Variants in PHACTR1 observed in about 807,000 individuals in gnomAD.
PHACTR1 encodes the protein phosphatase and actin regulator 1, also known as RPEL repeat containing 1.
In PHACTR1, 16 loss-of-function variants were observed where a neutral mutation model predicts 69.2. The ratio of observed to expected loss-of-function variants is 0.23; its 90% CI spans 0.16 to 0.35. The LOEUF (loss-of-function observed/expected upper bound fraction) is 0.35, where lower values mean the gene tolerates loss of function less well. Among genes scored for constraint, PHACTR1 ranks in the 10% least tolerant of loss-of-function variants. PHACTR1 has a pLI of 1.00. For missense variants in PHACTR1, 510 were observed against 734.7 expected (o/e 0.69, Z 3.54); for synonymous variants, 312 against 284.5 (o/e 1.10, Z -0.97).
chr6:13,158,541 A>G (rs1047817272), intron 5 of PHACTR1, among the ~76,000 whole-genome samples: 1 of 152,218 alleles, frequency 6.6e-6, no homozygotes, highest in Non-Finnish European at 1.5e-5. Flanking sequence ...TTGTAATTTC[A>G]GAGAGGGAGC....
intron 3 of PHACTR1, among the ~76,000 whole-genome samples, chr6:12,721,911 A>G (rs952259036): frequency 1.3e-5 from 2 of 152,212 alleles, no homozygotes; most frequent in Non-Finnish European, 2.9e-5. Flanking sequence ...TCAAGCTTGT[A>G]TCGAACCAAC....
intron 5 of PHACTR1, among the ~76,000 whole-genome samples, chr6:13,110,904 C>T (rs750847016): frequency 6.6e-6 from 1 of 152,006 alleles, no homozygotes; most frequent in African/African-American, 2.4e-5. Context: ...GTTTTGTGCC[C>T]TGGGTTTTTG....
intron 8 of PHACTR1, among the ~76,000 whole-genome samples, chr6:13,222,613 A>G (rs1768856533): frequency 6.6e-6 from 1 of 152,264 alleles, no homozygotes; most frequent in Admixed American, 6.5e-5. Context: ...CACATGGTAC[A>G]GTGCTGAGAA....
chr6:12,994,265 T>C (rs757959041), intron 4 of PHACTR1, among the ~76,000 whole-genome samples: 2 of 152,078 alleles, frequency 1.3e-5, no homozygotes, highest in African/African-American at 2.4e-5. Context: ...ACACAAAAGA[T>C]AGTAAAAGGG....
At chr6:12,980,383 G>A (rs975478155) in intron 4 of PHACTR1, among the ~76,000 whole-genome samples, 2 of 152,052 alleles carry the variant, frequency 1.3e-5, no homozygotes, top group African/African-American at 2.4e-5. Flanking sequence ...ATCTCCCCGC[G>A]TCACCCTTCC....
At chr6:13,154,035 A>G (rs1315548996) in intron 5 of PHACTR1, among the ~76,000 whole-genome samples, 1 of 152,226 alleles carries the variant, frequency 6.6e-6, no homozygotes, top group Non-Finnish European at 1.5e-5. Context: ...AGTATATTTC[A>G]GTAAATGATT....
chr6:12,887,305 T>C (rs1481673361), intron 4 of PHACTR1, among the ~76,000 whole-genome samples: 1 of 152,204 alleles, frequency 6.6e-6, no homozygotes, highest in Non-Finnish European at 1.5e-5. Context: ...GCCAGGCACC[T>C]GAAGACAGTA....
intron 7 of PHACTR1, among the ~76,000 whole-genome samples, chr6:13,194,694 T>C (rs1764126269): frequency 6.6e-6 from 1 of 152,238 alleles, no homozygotes; most frequent in Non-Finnish European, 1.5e-5. Context: ...TGTAAGGTGA[T>C]GGATTTGTTA....
intron 7 of PHACTR1, among the ~76,000 whole-genome samples, chr6:13,188,469 T>G (rs1763096536): frequency 6.6e-6 from 1 of 152,188 alleles, no homozygotes. Flanking sequence ...TCTGGTGACA[T>G]GTTTGAAAGG....
At chr6:13,024,151 A>G (rs563812292) in intron 4 of PHACTR1, among the ~76,000 whole-genome samples, 91 of 151,816 alleles carry the variant, frequency 6.0e-4, no homozygotes, top group Non-Finnish European at 1.1e-3. Flanking sequence ...TGAGAGATGC[A>G]TTATAGGGAG....
At chr6:12,719,831 C>A (rs1372922788) in intron 3 of PHACTR1, among the ~76,000 whole-genome samples, 1 of 152,140 alleles carries the variant, frequency 6.6e-6, no homozygotes, top group Non-Finnish European at 1.5e-5. Flanking sequence ...GCCAACTTAT[C>A]GTGGTAACCT....
intron 4 of PHACTR1, among the ~76,000 whole-genome samples, chr6:12,753,143 T>G (rs1168492166): frequency 1.3e-5 from 2 of 152,228 alleles, no homozygotes; most frequent in African/African-American, 4.8e-5. Flanking sequence ...AAGAGTCTGT[T>G]CACACTATTA....
chr6:13,015,047 C>T (rs182296388), intron 4 of PHACTR1, among the ~76,000 whole-genome samples: 8 of 152,328 alleles, frequency 5.3e-5, no homozygotes, highest in African/African-American at 9.6e-5. Context: ...CCTTAGCTAC[C>T]GGCCGACCTG....
At chr6:12,889,728 C>CTTCTTCT (rs141579526) in intron 4 of PHACTR1, among the ~76,000 whole-genome samples, 14 of 150,616 alleles carry the variant, frequency 9.3e-5, no homozygotes, top group African/African-American at 2.2e-4. Flanking sequence ...GTTCAATTTT[C>CTTCTTCT]TTCTTCTTTC....
chr6:13,059,245 G>A (rs1438534729), intron 5 of PHACTR1, among the ~76,000 whole-genome samples: 1 of 152,074 alleles, frequency 6.6e-6, no homozygotes, highest in Non-Finnish European at 1.5e-5. Flanking sequence ...TGTGGCATAA[G>A]CCCACTTCCA....
In PHACTR1 at chr6:13,006,828, G is replaced by A. The variant is rs73366226; in HGVS notation, c.251-46537G>A. On this transcript the variant is annotated intron_variant, in intron 4 of 14. Coordinates refer to ENST00000332995, the MANE Select transcript of PHACTR1 (RefSeq NM_030948.6). ...TTAGATAAGCTGAGCTCATCACTGC[G>A]TCACTTCAGAACCCAAAGGGAAGCC... Among the ~76,000 whole-genome samples, 1,435 of 152,240 alleles carry A rather than the reference G, an allele frequency of 9.4e-3. 25 individuals carry two copies. Among genetic ancestry groups the A allele is most frequent in the African/African-American group, 0.032 (1,340 of 41,530 alleles).
At chr6:12,761,788 C>T (rs1421093955) in intron 4 of PHACTR1, among the ~76,000 whole-genome samples, 3 of 152,180 alleles carry the variant, frequency 2.0e-5, no homozygotes, top group Non-Finnish European at 2.9e-5. Context: ...TTTGACATTA[C>T]AAAAACACAA....
At chr6:12,726,640 T>A (rs1762831977) in intron 3 of PHACTR1, among the ~76,000 whole-genome samples, 1 of 152,162 alleles carries the variant, frequency 6.6e-6, no homozygotes, top group Middle Eastern at 3.2e-3. Context: ...AATCAGGTTG[T>A]CTTCTTCCTC....
At chr6:13,209,711 T>C (rs1199733258) in intron 8 of PHACTR1, among the ~76,000 whole-genome samples, 2 of 152,218 alleles carry the variant, frequency 1.3e-5, no homozygotes, top group Non-Finnish European at 1.5e-5. Context: ...CCATTTATCC[T>C]CTGGTCTCTG....
Sources: allele counts gnomAD v4.1 joint callset (sites outside exome capture counted in the v4.1 genomes callset), GRCh38; gene constraint gnomAD v4.1.1; transcripts MANE v1.5; gene names NCBI Gene and HGNC (gene_info 2026-07-23, HGNC 2026-07-21).